The following PER2 variants were observed in gnomAD, a reference collection of about 807,000 sequenced individuals.
PER2 encodes the protein period circadian protein homolog 2.
A neutral mutation model predicts 121.0 loss-of-function variants in PER2; 66 were observed. The observed-to-expected ratio is 0.55, with a 90% CI of 0.45 to 0.67. The LOEUF (loss-of-function observed/expected upper bound fraction) is 0.67. PER2 is among the 30% of genes least tolerant of loss of function. The pLI, the probability that PER2 is intolerant of heterozygous loss-of-function variation, is 0.00. For missense variants in PER2, 1,521 were observed against 1,635.0 expected, an observed-to-expected ratio of 0.93 and a Z score of 1.20; for synonymous variants, 684 against 659.9, an observed-to-expected ratio of 1.04 and a Z score of -0.56.
intron 21 of PER2, among the ~76,000 whole-genome samples, 153 bp downstream of exon 21, chr2:238,250,398 C>A (rs1296127749): frequency 6.6e-6 from 1 of 152,244 alleles, no homozygotes; most frequent in East Asian, 1.9e-4. Flanking sequence ...GCAGAATTGT[C>A]CAGAGGGAAG....
chr2:238,250,309 A>G (rs917028361), intron 21 of PER2, among the ~76,000 whole-genome samples: 3 of 152,248 alleles, frequency 2.0e-5, no homozygotes, highest in African/African-American at 7.2e-5. Context: ...TCTTCCTCGA[A>G]GGCTGTAGGG....
intron 4 of PER2, among the ~76,000 whole-genome samples, chr2:238,275,379 T>TA (rs1455703534): frequency 2.0e-5 from 3 of 152,122 alleles, no homozygotes. Context: ...CTGGAGGTGG[T>TA]AGTTTCCACT....
rs765216481 is a variant in PER2, at chr2:238,273,058, A to T, written c.570+12T>A. On this transcript the variant is annotated intron_variant, in intron 5 of 22. Transcript: ENST00000254657. ...GCCATTTTAGAAAGAAACTTTGCGG[A>T]AAGAGGCTTACGGCATTCTTCACAA... is the stretch of plus-strand genomic sequence containing the variant. 8.1e-6 allele frequency: 13 copies of T among 1,613,948 alleles called. No individual in the cohort carries two copies. The East Asian group carries it at 2.7e-4, about 33-fold the overall frequency.
rs778225399 is a variant in PER2 at position 238,278,086 on chromosome 2, GTCTCTCTC to G, written c.-19-139_-19-132del. 83 of 935,974 alleles carry G rather than the reference GTCTCTCTC, an allele frequency of 8.9e-5. No individual in the cohort carries two copies. The African/African-American group carries it at 1.1e-3, about 12-fold the overall frequency. 58.0% of individuals were successfully genotyped at this position (935,974 alleles called of 1,614,324 possible). A position where few individuals can be genotyped will look rare whatever the true frequency, so the allele number is the denominator to read the frequency against. ...TGCAGTCTCTTTCTTTCTTCTCTCT[GTCTCTCTC>G]TCTCTCTCTTTCTTTCTTTCTACTT... On this transcript the variant is annotated intron_variant, in intron 1 of 22. Transcript: ENST00000254657.
intron 9 of PER2, among the ~76,000 whole-genome samples, chr2:238,264,221 C>T (rs1696026946): frequency 1.3e-5 from 2 of 152,240 alleles, no homozygotes; most frequent in African/African-American, 4.8e-5. Flanking sequence ...GTTCTCAGAT[C>T]TCTGAAGGAA....
rs193040309 is a variant in PER2, at chr2:238,287,608, A to G, written c.-20+741T>C. The stretch of plus-strand genomic sequence containing the variant: ...GTGGAGGCCATCACTGAACCTCTGA[A>G]GCTCATCCTGCCCCAGGACGATGGG... On this transcript the variant is annotated intron_variant, in intron 1 of 22. Coordinates refer to ENST00000254657, the MANE Select transcript of PER2 (RefSeq NM_022817.3). Among the ~76,000 whole-genome samples, 348 of 152,358 alleles carry G rather than the reference A, an allele frequency of 2.3e-3. 1 individual carries two copies. Among genetic ancestry groups the G allele is most frequent in the African/African-American group, 8.0e-3 (331 of 41,594 alleles).
chr2:238,257,869 A>C (rs1195951671), intron 16 of PER2, among the ~76,000 whole-genome samples: 1 of 152,264 alleles, frequency 6.6e-6, no homozygotes, highest in African/African-American at 2.4e-5. Context: ...GGCCATGTTA[A>C]CATTCAGGCC....
intron 22 of PER2, among the ~76,000 whole-genome samples, chr2:238,248,159 G>A (rs1441111158): frequency 6.6e-6 from 1 of 152,212 alleles, no homozygotes; most frequent in Non-Finnish European, 1.5e-5. Flanking sequence ...GAGGTCAGAG[G>A]GACAGCCTGA....
At chr2:238,297,264 G>A in the PER2 span, among the ~76,000 whole-genome samples, 1 of 152,224 alleles carries the variant, frequency 6.6e-6, no homozygotes, top group African/African-American at 2.4e-5. Context: ...GGGAGGAAAG[G>A]CATTGTATGG....
intron 4 of PER2, among the ~76,000 whole-genome samples, chr2:238,274,374 G>A (rs551872886): frequency 1.1e-3 from 160 of 152,364 alleles, no homozygotes; most frequent in Non-Finnish European, 1.9e-3. Context: ...ATTCTGCCAC[G>A]CGTGTGCTTC....
chr2:238,262,995 G>A lies in PER2; in HGVS notation c.1110C>T (p.Leu370=), dbSNP rs748627749. ...DLIETPVLVQ[L]HPSDRPLMLA... is the part of the protein sequence containing the mutation. Reference sequence around the variant, plus strand: ...GCATCAAGGGCCTGTCACTAGGGTGGAGCTGCACGAGCACTGGGGTTTCAA... The same window carrying A: ...GCATCAAGGGCCTGTCACTAGGGTGAAGCTGCACGAGCACTGGGGTTTCAA... Residue 370 remains leucine (L), a synonymous_variant, in exon 10 of 23, where the codon CTC becomes CTT. Transcript: ENST00000254657. 5 of 1,613,934 alleles carry A rather than the reference G, an allele frequency of 3.1e-6. No homozygotes were observed. The highest frequency in any genetic ancestry group is 1.3e-5 in the African/African-American group (1 of 74,920).
At chr2:238,299,412 C>G in the PER2 span, 1 of 140,056 alleles carries the variant, frequency 7.1e-6, no homozygotes, top group African/African-American at 2.7e-5. Flanking sequence ...CGTGGTAGTG[C>G]GTGCTTGTAA....
chr2:238,255,589 A>C, intron 18 of PER2, 68 bp downstream of exon 18: 1 of 1,487,406 alleles, frequency 6.7e-7, no homozygotes, highest in South Asian at 1.1e-5. Flanking sequence ...TTTTGAAACC[A>C]GCACTGGACT....
chr2:238,277,670 C>T (rs374311554), intron 2 of PER2, 37 bp downstream of exon 2: 236 of 1,611,606 alleles, frequency 1.5e-4, no homozygotes, highest in Non-Finnish European at 1.9e-4. Flanking sequence ...GAGAAAACAA[C>T]CTGCCCAGCC....
At position 238,265,616 on chromosome 2, in the gene PER2, T is replaced by G. The variant is rs761771422; in HGVS notation, c.968-26A>C. 19 of 1,339,848 alleles carry G rather than the reference T, an allele frequency of 1.4e-5. No homozygotes were observed. The East Asian group carries it at 4.1e-4, about 29-fold the overall frequency. 83.0% of individuals were successfully genotyped at this position (1,339,848 alleles called of 1,614,324 possible). On this transcript the variant is annotated intron_variant, in intron 8 of 22. Transcript: ENST00000254657. ...CTGAAAGAACAGAATATTGCACACA[T>G]TTGTGATCCTAAGAAATGCATATTT...
chr2:238,258,469 G>A (rs1559326338), intron 15 of PER2, 28 bp downstream of exon 15: 2 of 1,614,144 alleles, frequency 1.2e-6, no homozygotes, highest in Non-Finnish European at 8.5e-7. Context: ...GTGAGATGGT[G>A]GAGACTCGGC....
chr2:238,263,950 G>A (rs1696017685), intron 9 of PER2, among the ~76,000 whole-genome samples: 2 of 151,618 alleles, frequency 1.3e-5, no homozygotes, highest in South Asian at 4.2e-4. Flanking sequence ...GAAGGAAGAG[G>A]AGAGGAGTGG....
intron 8 of PER2, among the ~76,000 whole-genome samples, chr2:238,266,071 T>C (rs771019708): frequency 1.3e-5 from 2 of 150,908 alleles, no homozygotes; most frequent in Non-Finnish European, 3.0e-5. Context: ...GCCCAGCTAA[T>C]TTTTTGTATT....
At chr2:238,282,427 G>A (rs544446023) in intron 1 of PER2, among the ~76,000 whole-genome samples, 21 of 152,278 alleles carry the variant, frequency 1.4e-4, no homozygotes, top group Admixed American at 3.3e-4. Flanking sequence ...AGGGGTTTGC[G>A]TTGGTCAATG....
Sources: allele counts gnomAD v4.1 joint callset (sites outside exome capture counted in the v4.1 genomes callset), GRCh38; gene constraint gnomAD v4.1.1; transcripts MANE v1.5; gene names NCBI Gene and HGNC (gene_info 2026-07-23, HGNC 2026-07-21).